Variants in ADGRL3 observed in about 807,000 individuals in gnomAD.
The protein encoded by ADGRL3 is adhesion G protein-coupled receptor L3.
A neutral mutation model predicts 153.5 loss-of-function variants in ADGRL3; 62 were observed. The ratio of observed to expected loss-of-function variants is 0.40; its 90% CI spans 0.33 to 0.50. The LOEUF (loss-of-function observed/expected upper bound fraction) is 0.50. Ranked by LOEUF, ADGRL3 falls within the 20% of genes least tolerant of loss-of-function variation. ADGRL3 has a pLI of 0.47. For synonymous variants in ADGRL3, 710 were observed against 672.5 expected (o/e 1.06, Z -0.86); for missense variants, 1,641 against 1,859.4 (o/e 0.88, Z 2.16).
At chr4:61,459,882 G>T (rs1578986778) in intron 2 of ADGRL3, among the ~76,000 whole-genome samples, 1 of 152,144 alleles carries the variant, frequency 6.6e-6, no homozygotes, top group Non-Finnish European at 1.5e-5. Flanking sequence ...TTGGTCATTT[G>T]TATGCTGTCT....
At chr4:61,492,583 A>C (rs975704389) in intron 2 of ADGRL3, among the ~76,000 whole-genome samples, 4 of 152,136 alleles carry the variant, frequency 2.6e-5, no homozygotes, top group Non-Finnish European at 4.4e-5. Flanking sequence ...AAAAAATAAA[A>C]CTGGGGAAAC....
intron 4 of ADGRL3, among the ~76,000 whole-genome samples, chr4:61,542,989 TTATTA>T (rs1292579128): frequency 6.6e-6 from 1 of 152,162 alleles, no homozygotes; most frequent in Non-Finnish European, 1.5e-5. Flanking sequence ...CCACTTTTCT[TTATTA>T]TATTTTTTAG....
chr4:61,802,217 T>A (rs2097506275), intron 8 of ADGRL3, among the ~76,000 whole-genome samples: 1 of 152,108 alleles, frequency 6.6e-6, no homozygotes, highest in African/African-American at 2.4e-5. Flanking sequence ...ACACTTCTGC[T>A]TCCCAGACAC....
At chr4:61,881,169 A>C (rs2149481358) in intron 9 of ADGRL3, among the ~76,000 whole-genome samples, 1 of 152,324 alleles carries the variant, frequency 6.6e-6, no homozygotes, top group Admixed American at 6.5e-5. Context: ...ACAACAAAAC[A>C]AATAATCAAA....
intron 1 of ADGRL3, among the ~76,000 whole-genome samples, chr4:61,323,416 A>G (rs576429351): frequency 6.6e-6 from 1 of 151,320 alleles, no homozygotes. Context: ...TTTCTATTGC[A>G]TTGTCAGGCT....
intron 6 of ADGRL3, among the ~76,000 whole-genome samples, chr4:61,702,805 G>A (rs949615587): frequency 2.0e-5 from 3 of 152,052 alleles, no homozygotes; most frequent in East Asian, 1.9e-4. Flanking sequence ...TGCATTCTAA[G>A]CACTTATATC....
At chr4:61,219,274 C>A (rs1744289295) in intron 1 of ADGRL3, among the ~76,000 whole-genome samples, 1 of 152,126 alleles carries the variant, frequency 6.6e-6, no homozygotes, top group African/African-American at 2.4e-5. Flanking sequence ...TACTGATCTA[C>A]CTGTATAAGA....
chr4:61,358,668 G>A (rs927328818), intron 1 of ADGRL3, among the ~76,000 whole-genome samples: 1 of 150,348 alleles, frequency 6.7e-6, no homozygotes, highest in East Asian at 2.0e-4. Flanking sequence ...ACTGTCTCCT[G>A]GGGCATCCCA....
intron 1 of ADGRL3, among the ~76,000 whole-genome samples, chr4:61,289,912 C>G (rs903677756): frequency 1.3e-5 from 2 of 152,036 alleles, no homozygotes; most frequent in South Asian, 4.1e-4. Context: ...ACAAAATTAC[C>G]CATGTAAATC....
intron 5 of ADGRL3, among the ~76,000 whole-genome samples, chr4:61,665,398 G>A (rs772151621): frequency 3.9e-5 from 6 of 152,036 alleles, no homozygotes; most frequent in East Asian, 1.9e-4. Context: ...GTGACAAAGC[G>A]AAACTGTCTT....
intron 8 of ADGRL3, among the ~76,000 whole-genome samples, chr4:61,804,784 C>T (rs187675107): frequency 7.2e-5 from 11 of 152,236 alleles, no homozygotes; most frequent in African/African-American, 2.4e-4. Flanking sequence ...TATTGTCACA[C>T]TACATCATTG....
At chr4:61,738,617 G>A (rs1233043533) in intron 8 of ADGRL3, among the ~76,000 whole-genome samples, 1 of 152,122 alleles carries the variant, frequency 6.6e-6, no homozygotes, top group Non-Finnish European at 1.5e-5. Context: ...TATTCTAAAA[G>A]TGGTTTCAGG....
rs572531796 is a variant in ADGRL3, at chr4:61,351,749, A to AAAAAAG, written c.-239-31354_-239-31349dup. On this transcript the variant is annotated intron_variant, in intron 1 of 26. Coordinates refer to ENST00000683033, the MANE Select transcript of ADGRL3 (RefSeq NM_001387552.1). The stretch of plus-strand genomic sequence containing the variant: ...CTGTTGAGACCTACTGCTCAGAAAA[A>AAAAAAG]AAAAAGAAAAAGAAAAAGAAAAAGA... Among the ~76,000 whole-genome samples the AAAAAAG allele has an allele frequency of 1.9e-3, 296 of 152,088 alleles. 2 individuals are homozygous for AAAAAAG. Among genetic ancestry groups the AAAAAAG allele is most frequent in the African/African-American group, 6.5e-3 (270 of 41,398 alleles).
intron 17 of ADGRL3, among the ~76,000 whole-genome samples, chr4:61,954,612 T>C (rs907137895): frequency 1.3e-5 from 2 of 152,002 alleles, no homozygotes; most frequent in African/African-American, 4.8e-5. Flanking sequence ...CATCCTCTCC[T>C]ACCACTGTTC....
At chr4:61,245,748 A>G (rs1464197443) in intron 1 of ADGRL3, among the ~76,000 whole-genome samples, 2 of 152,098 alleles carry the variant, frequency 1.3e-5, no homozygotes, top group Non-Finnish European at 2.9e-5. Flanking sequence ...CCTATTTATA[A>G]TTATCATACT....
At chr4:61,848,994 C>T (rs1337012782) in intron 9 of ADGRL3, among the ~76,000 whole-genome samples, 6 of 152,218 alleles carry the variant, frequency 3.9e-5, no homozygotes, top group African/African-American at 1.2e-4. Flanking sequence ...AAAGTTAGTT[C>T]GTAACTGAAT....
intron 8 of ADGRL3, among the ~76,000 whole-genome samples, chr4:61,781,193 G>T (rs2097208715): frequency 1.3e-5 from 2 of 151,922 alleles, no homozygotes; most frequent in Admixed American, 1.3e-4. Flanking sequence ...AGGCACAGTG[G>T]TGCATGCCTG....
chr4:61,374,042 A>G (rs1377606030), intron 1 of ADGRL3, among the ~76,000 whole-genome samples: 5 of 152,154 alleles, frequency 3.3e-5, no homozygotes, highest in Non-Finnish European at 2.9e-5. Context: ...GCTTCTCTGT[A>G]ATGCCAGTAT....
intron 17 of ADGRL3, among the ~76,000 whole-genome samples, chr4:61,976,669 T>C (rs1360992298): frequency 6.6e-6 from 1 of 152,160 alleles, no homozygotes; most frequent in African/African-American, 2.4e-5. Flanking sequence ...TCATGAGATC[T>C]GATGGTTTTA....
Sources: allele counts gnomAD v4.1 joint callset (sites outside exome capture counted in the v4.1 genomes callset), GRCh38; gene constraint gnomAD v4.1.1; transcripts MANE v1.5; gene names NCBI Gene and HGNC (gene_info 2026-07-23, HGNC 2026-07-21).